Variants in PDSS1 observed in about 807,000 individuals in gnomAD.
PDSS1 encodes all trans-polyprenyl-diphosphate synthase PDSS1.
PDSS1 carries 43 observed loss-of-function variants against 57.5 expected under a neutral mutation model. That is an observed-to-expected ratio of 0.75 (90% CI 0.59 to 0.96). The LOEUF is 0.96. PDSS1 is among the 50% of genes least tolerant of loss of function. The pLI is 0.00. For missense variants in PDSS1, 438 were observed against 527.8 expected (o/e 0.83, Z 1.67); for synonymous variants, 175 against 191.3 (o/e 0.91, Z 0.70).
chr10:26,704,087 A>AAAAAAAAAAAAAAAG, intron 2 of PDSS1, among the ~76,000 whole-genome samples: 1 of 146,184 alleles, frequency 6.8e-6, no homozygotes, highest in East Asian at 2.0e-4. Flanking sequence ...GTCTCACAAA[A>AAAAAAAAAAAAAAAG]AAAAAAAAAA....
In PDSS1 at chr10:26,735,446, C is replaced by A; in HGVS notation, c.913-20C>A. The A allele has an allele frequency of 6.6e-7, 1 of 1,525,428 alleles. No individual in the cohort carries two copies. The highest frequency in any genetic ancestry group is 9.1e-7 in the Non-Finnish European group (1 of 1,098,972). The allele number at this position is 1,525,428 out of a possible 1,614,324, so 94.5% of individuals were successfully genotyped here. On this transcript the variant is annotated intron_variant, in intron 9 of 11. Transcript: ENST00000376215. ...GTTGGCATGGCGGTGCTCCTTACAT[C>A]CCATTTTTCCTTTTGCCAGCTAATA...
At chr10:26,734,759 C>T (rs1836332697) in intron 8 of PDSS1, 2 of 456,346 alleles carry the variant, frequency 4.4e-6, no homozygotes, top group South Asian at 3.1e-5. Context: ...GAAAGGACTA[C>T]AGATGGGAAA....
chr10:26,718,443 T>C (rs1460382248), intron 5 of PDSS1, among the ~76,000 whole-genome samples: 2 of 152,076 alleles, frequency 1.3e-5, no homozygotes, highest in African/African-American at 2.4e-5. Flanking sequence ...TCTAGACATA[T>C]TAAGAAGTTG....
intron 6 of PDSS1, among the ~76,000 whole-genome samples, chr10:26,723,025 G>A (rs1835838661): frequency 6.6e-6 from 1 of 151,894 alleles, no homozygotes; most frequent in Admixed American, 6.6e-5. Context: ...GCTCTGGGGT[G>A]TGCTCAGTAC....
At chr10:26,729,923 T>G (rs948473517) in intron 8 of PDSS1, among the ~76,000 whole-genome samples, 46 of 130,744 alleles carry the variant, frequency 3.5e-4, no homozygotes, top group African/African-American at 1.3e-3. Flanking sequence ...TTTTTTTTTT[T>G]TTTTTTTGAG....
chr10:26,744,733 A>G (rs1836758654), intron 11 of PDSS1, among the ~76,000 whole-genome samples: 1 of 152,196 alleles, frequency 6.6e-6, no homozygotes, highest in Non-Finnish European at 1.5e-5. Context: ...TACTTCAGGA[A>G]AACGTGTGGA....
At position 26,746,610 on chromosome 10, in the gene PDSS1, AT is replaced by A. The variant is rs67302665; in HGVS notation, c.*146del. The A allele has an allele frequency of 2.2e-3, 1,947 of 869,248 alleles. 3 individuals carry two copies. The highest frequency in any genetic ancestry group is 0.014 in the African/African-American group (796 of 58,138). 53.8% of individuals were successfully genotyped at this position (869,248 alleles called of 1,614,324 possible). ...TATCAAACTTATTGATGGGCAATTT[AT>A]TTTTTTTTATTGCAAAAGTTTTTTC... On this transcript the variant is annotated 3_prime_UTR_variant, in exon 12 of 12. Transcript: ENST00000376215.
intron 1 of PDSS1, among the ~76,000 whole-genome samples, chr10:26,698,377 C>T (rs2448113): frequency 0.64 from 96,684 of 151,840 alleles, 31,362 homozygotes; most frequent in East Asian, 0.8. Flanking sequence ...CAGCAGTGGC[C>T]TCGGGAGGAG....
At chr10:26,720,432 A>G (rs1835747369) in intron 6 of PDSS1, 73 bp downstream of exon 6, 4 of 1,012,316 alleles carry the variant, frequency 4.0e-6, no homozygotes, top group Non-Finnish European at 6.3e-6. Flanking sequence ...TGTTTCTCAG[A>G]TTTGTCTCAT....
chr10:26,740,643 A>G (rs1225110640), intron 10 of PDSS1: 1 of 456,772 alleles, frequency 2.2e-6, no homozygotes. Context: ...TTCATCCTTC[A>G]GGTTCACTGC....
At chr10:26,731,854 C>T (rs57110916) in intron 8 of PDSS1, among the ~76,000 whole-genome samples, 1 of 152,180 alleles carries the variant, frequency 6.6e-6, no homozygotes, top group East Asian at 1.9e-4. Context: ...TGCAGTGGCA[C>T]GATCTCGGCT....
intron 4 of PDSS1, among the ~76,000 whole-genome samples, chr10:26,708,264 T>C (rs1026855536): frequency 1.3e-5 from 2 of 152,234 alleles, no homozygotes; most frequent in South Asian, 2.1e-4. Context: ...CTGAGGTTCA[T>C]TGACTCCCAC....
At chr10:26,738,420 T>A (rs896718746) in intron 10 of PDSS1, among the ~76,000 whole-genome samples, 8 of 152,306 alleles carry the variant, frequency 5.3e-5, no homozygotes, top group Admixed American at 2.6e-4. Flanking sequence ...TCATACATAG[T>A]GTTATTGCCA....
chr10:26,730,731 T>C (rs1175147076), intron 8 of PDSS1, among the ~76,000 whole-genome samples: 2 of 152,330 alleles, frequency 1.3e-5, no homozygotes, highest in African/African-American at 4.8e-5. Context: ...AGGTAAGCAG[T>C]CTCGTTCACT....
intron 4 of PDSS1, among the ~76,000 whole-genome samples, chr10:26,709,139 C>T (rs1020231422): frequency 6.6e-6 from 1 of 152,204 alleles, no homozygotes; most frequent in Non-Finnish European, 1.5e-5. Flanking sequence ...GGGGCTGATC[C>T]ACGCATTGTT....
intron 1 of PDSS1, 42 bp downstream of exon 1, chr10:26,697,882 C>A: frequency 7.9e-7 from 1 of 1,258,586 alleles, no homozygotes; most frequent in South Asian, 2.6e-5. Context: ...TCAGAGGTCA[C>A]GGCTCCAATG....
At chr10:26,726,520 A>G (rs930821523) in intron 8 of PDSS1, among the ~76,000 whole-genome samples, 1 of 152,228 alleles carries the variant, frequency 6.6e-6, no homozygotes, top group Non-Finnish European at 1.5e-5. Flanking sequence ...AGCTCCAAAT[A>G]AATGCATGCA....
rs999754695 is a variant in PDSS1 at position 26,746,460 on chromosome 10, C to T, written c.1235C>T (p.Thr412Ile). 1 of 1,614,122 alleles carries T rather than the reference C, an allele frequency of 6.2e-7. No homozygotes were observed. The change falls in exon 12 of 12, where the codon ACA (threonine) becomes ATA (isoleucine). Residue 412 changes from threonine to isoleucine, a missense_variant. By Grantham distance (89) the Thr-to-Ile change is moderately conservative (BLOSUM62 -1). Transcript: ENST00000376215. Reference protein sequence around the residue: ...ALIQLSEIVLTRDK With the variant: ...ALIQLSEIVLIRDK ...ATTCAGCTTTCAGAAATTGTACTCA[C>T]AAGAGATAAATGACAACTCTTTCTG...
intron 9 of PDSS1, 34 bp downstream of exon 9, chr10:26,735,354 G>A (rs756603214): frequency 4.8e-5 from 70 of 1,469,988 alleles, no homozygotes; most frequent in East Asian, 1.4e-4. Context: ...GAATGGTGGC[G>A]TAGTGATACA....
Sources: allele counts gnomAD v4.1 joint callset (sites outside exome capture counted in the v4.1 genomes callset), GRCh38; gene constraint gnomAD v4.1.1; transcripts MANE v1.5; gene names NCBI Gene and HGNC (gene_info 2026-07-23, HGNC 2026-07-21).